Variants in TMOD2 observed in about 807,000 individuals in gnomAD.
TMOD2 encodes tropomodulin 2, also known as tropomodulin-2.
In TMOD2, 22 loss-of-function variants were observed where a neutral mutation model predicts 39.9. That is an observed-to-expected ratio of 0.55 (90% CI 0.39 to 0.79). The LOEUF (loss-of-function observed/expected upper bound fraction) is 0.79, where lower values mean the gene tolerates loss of function less well. Ranked by LOEUF, TMOD2 falls within the 30% of genes least tolerant of loss-of-function variation. TMOD2 has a pLI of 0.00. For missense variants in TMOD2, 386 were observed against 413.3 expected, an observed-to-expected ratio of 0.93 and a Z score of 0.57; for synonymous variants, 123 against 146.1, an observed-to-expected ratio of 0.84 and a Z score of 1.14.
rs376066115 is a variant in TMOD2, at chr15:51,768,319, G to T, written c.184G>T (p.Gly62Cys). 6.2e-7 allele frequency: 1 copy of T among 1,614,170 alleles called. No individual in the cohort carries two copies. The highest frequency in any genetic ancestry group is 2.2e-5 in the East Asian group (1 of 44,882). Residue 62 changes from glycine to cysteine, a missense_variant, in exon 3 of 10, where the codon GGC (glycine) becomes TGC (cysteine). Physicochemically the swap from Gly to Cys is radical, Grantham distance 159. Coordinates refer to ENST00000249700, the MANE Select transcript of TMOD2 (RefSeq NM_014548.4). ...QKDQTQKAATGPFDREHLLMY... is the reference protein window; with the variant it reads ...QKDQTQKAATCPFDREHLLMY... ...AGACCAGACACAGAAGGCAGCCACC[G>T]GCCCCTTTGACCGCGAGCACCTCCT...
chr15:51,764,945 A>G (rs1273907659), intron 1 of TMOD2, among the ~76,000 whole-genome samples: 1 of 152,122 alleles, frequency 6.6e-6, no homozygotes, highest in Non-Finnish European at 1.5e-5. Context: ...TTACGGCATT[A>G]TTGCTGTTTG....
intron 1 of TMOD2, among the ~76,000 whole-genome samples, chr15:51,762,206 C>T (rs190900834): frequency 6.6e-6 from 1 of 151,828 alleles, no homozygotes; most frequent in East Asian, 1.9e-4. Flanking sequence ...CCTGTAATTC[C>T]AGCACTGTGG....
At chr15:51,753,002 C>T (rs946504116) in intron 1 of TMOD2, 5 of 152,092 alleles carry the variant, frequency 3.3e-5, no homozygotes, top group African/African-American at 7.2e-5. Context: ...ATTAGTGGCT[C>T]CCTAGGGCTG....
At chr15:51,800,498 T>G (rs868082571) in intron 8 of TMOD2, among the ~76,000 whole-genome samples, 13 of 151,980 alleles carry the variant, frequency 8.6e-5, no homozygotes, top group African/African-American at 3.1e-4. Flanking sequence ...ATCATGCCAC[T>G]GCACTCCAGC....
chr15:51,808,496 T>C lies in TMOD2; in HGVS notation c.*42T>C. ...GTGAAGTTTCACTGTGGTATGGCCA[T>C]TGAAAAACAAAAACTCTTCTTCTTC... On this transcript the variant is annotated 3_prime_UTR_variant, in exon 10 of 10. Coordinates refer to ENST00000249700, the MANE Select transcript of TMOD2 (RefSeq NM_014548.4). The C allele has an allele frequency of 6.4e-7, 1 of 1,568,862 alleles. No homozygotes were observed. The highest frequency in any genetic ancestry group is 8.7e-7 in the Non-Finnish European group (1 of 1,151,186).
In TMOD2 at chr15:51,810,675, T is replaced by C. The variant is rs995296260; in HGVS notation, c.*2221T>C. ...GAAGAACATTTCTCTTAGATGTCTTTTCTCCTCTTTGGATTTGTTACAAAC... is the reference window on the plus strand; with the variant it reads ...GAAGAACATTTCTCTTAGATGTCTTCTCTCCTCTTTGGATTTGTTACAAAC... On this transcript the variant is annotated 3_prime_UTR_variant, in exon 10 of 10. Coordinates refer to ENST00000249700, the MANE Select transcript of TMOD2 (RefSeq NM_014548.4). 16 of 152,178 alleles carry C rather than the reference T, an allele frequency of 1.1e-4. No individual in the cohort carries two copies. Among genetic ancestry groups the C allele is most frequent in the African/African-American group, 3.6e-4 (15 of 41,446 alleles). The allele number at this position is 152,178 out of a possible 1,614,324, so 9.4% of individuals were successfully genotyped here.
At chr15:51,757,571 C>CG (rs2055751135) in intron 1 of TMOD2, among the ~76,000 whole-genome samples, 7 of 152,200 alleles carry the variant, frequency 4.6e-5, no homozygotes, top group African/African-American at 1.7e-4. Flanking sequence ...CCCACCAGGA[C>CG]TCCTGGAAGC....
rs1264920142 is a variant in TMOD2 at position 51,776,975 on chromosome 15, TGAA to T, written c.454_456del (p.Glu152del). The T allele has an allele frequency of 1.2e-6, 2 of 1,613,950 alleles. No homozygotes were observed. The highest frequency in any genetic ancestry group is 4.5e-5 in the East Asian group (2 of 44,878). On this transcript the variant is annotated inframe_deletion, in exon 5 of 10. Coordinates refer to ENST00000249700, the MANE Select transcript of TMOD2 (RefSeq NM_014548.4). Reference sequence around the variant, plus strand: ...ATTTGCTCAACAATCCAAAGTTCGATGAAGAAACAGCCAACAATAAAGGTGGCA... The same window carrying T: ...ATTTGCTCAACAATCCAAAGTTCGATGAAACAGCCAACAATAAAGGTGGCA...
intron 8 of TMOD2, among the ~76,000 whole-genome samples, chr15:51,802,463 AG>A (rs2056096555): frequency 6.6e-6 from 1 of 152,242 alleles, no homozygotes; most frequent in South Asian, 2.1e-4. Flanking sequence ...TGCAAAACAA[AG>A]CAGCTGTAAG....
At chr15:51,771,011 CT>C (rs949461030) in intron 3 of TMOD2, among the ~76,000 whole-genome samples, 1 of 152,086 alleles carries the variant, frequency 6.6e-6, no homozygotes, top group Non-Finnish European at 1.5e-5. Context: ...AAGCTGTTAT[CT>C]TTTGTTCTTA....
chr15:51,775,059 T>A lies in TMOD2; in HGVS notation c.406+1225T>A, dbSNP rs2055877605. 2.0e-5 allele frequency among the ~76,000 whole-genome samples: 3 copies of A among 152,190 alleles called. No individual in the cohort carries two copies. In the South Asian group the frequency reaches 6.2e-4, roughly 31 times the overall value. On this transcript the variant is annotated intron_variant, in intron 4 of 9. Coordinates refer to ENST00000249700, the MANE Select transcript of TMOD2 (RefSeq NM_014548.4). ...AGCCTGGCTGGGGCTGTTGGCAGCA[T>A]CTTTAGGGTGGGCCCTTCTGGAAGA...
intron 5 of TMOD2, 117 bp downstream of exon 5, chr15:51,777,135 T>G (rs1265080565): frequency 1.2e-6 from 1 of 847,850 alleles, no homozygotes; most frequent in East Asian, 2.8e-5. Context: ...CTAGGATCAC[T>G]TGGGCTTTGA....
chr15:51,777,012 G>T lies in TMOD2; in HGVS notation c.487G>T (p.Val163Phe). The change falls in exon 5 of 10, where the codon GTC becomes TTC. Residue 163 changes from valine to phenylalanine, a missense_variant. Physicochemically the swap from Val to Phe is conservative, Grantham distance 50. Coordinates refer to ENST00000249700, the MANE Select transcript of TMOD2 (RefSeq NM_014548.4). ...TANNKGGKGP[V>F]RNVVKGEKVK... ...CAACAATAAAGGTGGCAAAGGACCTGTCAGAAGTAAGTTGATGTGCAATCT... is the reference window on the plus strand; with the variant it reads ...CAACAATAAAGGTGGCAAAGGACCTTTCAGAAGTAAGTTGATGTGCAATCT... 1 of 1,613,648 alleles carries T rather than the reference G, an allele frequency of 6.2e-7. No homozygotes were observed. The highest frequency in any genetic ancestry group is 1.1e-5 in the South Asian group (1 of 91,064).
At chr15:51,767,573 T>C (rs2080564085) in intron 2 of TMOD2, among the ~76,000 whole-genome samples, 1 of 151,436 alleles carries the variant, frequency 6.6e-6, no homozygotes, top group African/African-American at 2.4e-5. Context: ...AGTACTTTTA[T>C]AAAAAAAGAT....
At chr15:51,780,032 C>T (rs927695182) in intron 5 of TMOD2, among the ~76,000 whole-genome samples, 1 of 152,148 alleles carries the variant, frequency 6.6e-6, no homozygotes, top group Non-Finnish European at 1.5e-5. Flanking sequence ...CGTGATGATG[C>T]TATACTTTAT....
In TMOD2 at chr15:51,806,491, G is replaced by T; in HGVS notation, c.991G>T (p.Ala331Ser). 6.2e-7 allele frequency: 1 copy of T among 1,614,198 alleles called. No individual in the cohort carries two copies. Among genetic ancestry groups the T allele is most frequent in the Non-Finnish European group, 8.5e-7 (1 of 1,180,032 alleles). The change falls in exon 9 of 10, where the codon GCA becomes TCA. Residue 331 changes from alanine to serine, a missense_variant. Coordinates refer to ENST00000249700, the MANE Select transcript of TMOD2 (RefSeq NM_014548.4). ...FTKQGPRTRV[A>S]AAITKNNDLV... Reference sequence around the variant, plus strand: ...CAAGCAAGGGCCACGAACAAGGGTGGCAGCTGCCATCACAAAGAATAATGA... The same window carrying T: ...CAAGCAAGGGCCACGAACAAGGGTGTCAGCTGCCATCACAAAGAATAATGA...
chr15:51,779,417 G>A (rs1275482785), intron 5 of TMOD2, among the ~76,000 whole-genome samples: 1 of 149,898 alleles, frequency 6.7e-6, no homozygotes, highest in Admixed American at 6.6e-5. Context: ...GTCTCGCTCT[G>A]TTGCCCAGGC....
At chr15:51,765,838 G>A (rs550636838) in intron 1 of TMOD2, among the ~76,000 whole-genome samples, 1 of 152,328 alleles carries the variant, frequency 6.6e-6, no homozygotes, top group African/African-American at 2.4e-5. Flanking sequence ...GGGAGTTACT[G>A]GACAATGCTT....
chr15:51,767,342 A>C (rs182796310), intron 2 of TMOD2, among the ~76,000 whole-genome samples: 1 of 152,188 alleles, frequency 6.6e-6, no homozygotes, highest in East Asian at 1.9e-4. Context: ...GCAGATTTTT[A>C]AAAATATCTC....
Sources: allele counts gnomAD v4.1 joint callset (sites outside exome capture counted in the v4.1 genomes callset), GRCh38; gene constraint gnomAD v4.1.1; transcripts MANE v1.5; gene names NCBI Gene and HGNC (gene_info 2026-07-23, HGNC 2026-07-21).